Variants in CFAP92 observed in about 807,000 individuals in gnomAD.
CFAP92 encodes the protein uncharacterized protein CFAP92.
Under a neutral mutation model 106.3 loss-of-function variants are expected in CFAP92, and 86 were observed. The observed-to-expected ratio is 0.81, with a 90% CI of 0.68 to 0.97. The LOEUF is 0.97. Among genes scored for constraint, CFAP92 ranks in the 50% least tolerant of loss-of-function variants. The probability of loss-of-function intolerance (pLI) is 0.00; values close to 1 mark genes in which losing one functional copy is unlikely to be tolerated. For synonymous variants in CFAP92, 477 were observed against 506.4 expected, an observed-to-expected ratio of 0.94 and a Z score of 0.78; for missense variants, 1,204 against 1,283.8, an observed-to-expected ratio of 0.94 and a Z score of 0.95.
chr3:128,922,437 A>G (rs147562501), intron 12 of CFAP92, among the ~76,000 whole-genome samples: 4,067 of 152,302 alleles, frequency 0.027, 171 homozygotes, highest in African/African-American at 0.091. Flanking sequence ...GTTACCTTAC[A>G]CAAAACTAGG....
chr3:128,996,859 G>A (rs891583055), upstream of CFAP92, among the ~76,000 whole-genome samples: 31 of 152,104 alleles, frequency 2.0e-4, no homozygotes, highest in African/African-American at 6.3e-4. Context: ...GGGTTCCCCC[G>A]CCCCCAGTGG....
chr3:128,971,616 C>T (rs925983187), intron 7 of CFAP92, among the ~76,000 whole-genome samples, 183 bp from the exon 8 acceptor site: 1 of 152,152 alleles, frequency 6.6e-6, no homozygotes, highest in African/African-American at 2.4e-5. Context: ...AGATGGCAGG[C>T]CCGTTGCCAG....
chr3:128,930,102 TA>T (rs1449882925), intron 12 of CFAP92, among the ~76,000 whole-genome samples: 4 of 152,140 alleles, frequency 2.6e-5, no homozygotes, highest in Admixed American at 6.6e-5. Context: ...TTGTAAGAGA[TA>T]GGGGGCTAGT....
the CFAP92 span, among the ~76,000 whole-genome samples, chr3:129,019,342 G>A: frequency 1.2e-3 from 177 of 152,320 alleles, 3 homozygotes; most frequent in South Asian, 0.034. Context: ...TCCTGGGTAG[G>A]TTTAGGTTTA....
chr3:128,933,026 A>G (rs892169389), intron 11 of CFAP92, 29 bp from the exon 12 acceptor site: 115 of 1,531,050 alleles, frequency 7.5e-5, no homozygotes, highest in Non-Finnish European at 9.5e-5. Flanking sequence ...GCCCCACTGA[A>G]CCTCTCCTAC....
In CFAP92 at chr3:128,956,994, A is replaced by AAAAAAAAAAAAAAAAAAAG. The variant is rs377096690; in HGVS notation, c.1353+8516_1353+8517insCTTTTTTTTTTTTTTTTTT. Among the ~76,000 whole-genome samples, 2 of 129,060 alleles carry AAAAAAAAAAAAAAAAAAAG rather than the reference A, an allele frequency of 1.5e-5. 1 individual carries two copies. The highest frequency in any genetic ancestry group is 3.3e-5 in the Non-Finnish European group (2 of 61,242). The allele number at this position is 129,060 out of a possible 152,430, so 84.7% of individuals were successfully genotyped here. On this transcript the variant is annotated intron_variant, in intron 9 of 15. Coordinates refer to ENST00000645291, the MANE Select transcript of CFAP92 (RefSeq NM_001394090.1). ...GACTCTCTCAAAAAAAAAAAAAAAA[A>AAAAAAAAAAAAAAAAAAAG]AAAGAAATCAACCCCATTCTATACC...
chr3:128,929,332 A>G (rs1298096490), intron 12 of CFAP92, among the ~76,000 whole-genome samples: 1 of 152,202 alleles, frequency 6.6e-6, no homozygotes, highest in Non-Finnish European at 1.5e-5. Context: ...AGATTGTGCA[A>G]CTACACTGTA....
upstream of CFAP92, among the ~76,000 whole-genome samples, chr3:129,006,413 T>C (rs893636904): frequency 6.6e-6 from 1 of 152,184 alleles, no homozygotes; most frequent in African/African-American, 2.4e-5. Flanking sequence ...GCCTCCCAGG[T>C]TCAAAAGATT....
upstream of CFAP92, among the ~76,000 whole-genome samples, chr3:129,005,300 C>T (rs1945022437): frequency 6.6e-6 from 1 of 152,160 alleles, no homozygotes; most frequent in East Asian, 1.9e-4. Flanking sequence ...GTTACCGGGC[C>T]AGATGGAGAG....
upstream of CFAP92, among the ~76,000 whole-genome samples, chr3:129,006,647 A>G (rs984276908): frequency 6.6e-6 from 1 of 152,198 alleles, no homozygotes; most frequent in South Asian, 2.1e-4. Flanking sequence ...AGGAAGAAGT[A>G]GGAGCAGCTA....
At chr3:129,013,211 A>G in the CFAP92 span, among the ~76,000 whole-genome samples, 1 of 152,270 alleles carries the variant, frequency 6.6e-6, no homozygotes, top group East Asian at 1.9e-4. Flanking sequence ...TTGACGGTAC[A>G]GCCTTGGATA....
chr3:128,922,309 C>T (rs915794452), intron 12 of CFAP92, among the ~76,000 whole-genome samples: 30 of 151,618 alleles, frequency 2.0e-4, no homozygotes, highest in African/African-American at 7.0e-4. Flanking sequence ...TGCCACTGCA[C>T]TCCAGCCTGG....
chr3:129,020,628 C>T, the CFAP92 span, among the ~76,000 whole-genome samples: 2 of 152,214 alleles, frequency 1.3e-5, no homozygotes, highest in African/African-American at 4.8e-5. Context: ...CAGAGTAACA[C>T]CCTGTCTCAA....
intron 15 of CFAP92, chr3:128,913,144 T>C (rs1034354712): frequency 2.3e-6 from 1 of 429,388 alleles, no homozygotes; most frequent in East Asian, 7.1e-5. Flanking sequence ...CACTGTTCCT[T>C]AGAACCAGCC....
At chr3:128,971,641 AG>A (rs1942804303) in intron 7 of CFAP92, among the ~76,000 whole-genome samples, 1 of 152,200 alleles carries the variant, frequency 6.6e-6, no homozygotes, top group African/African-American at 2.4e-5. Flanking sequence ...ATGTAGTAAT[AG>A]GGTGAGGGCC....
At chr3:129,013,529 G>T in the CFAP92 span, among the ~76,000 whole-genome samples, 4 of 152,130 alleles carry the variant, frequency 2.6e-5, no homozygotes, top group African/African-American at 9.7e-5. Flanking sequence ...TTCCCATAAG[G>T]TAGCAAGACA....
At chr3:128,953,170 A>G (rs1344750799) in intron 9 of CFAP92, among the ~76,000 whole-genome samples, 1 of 152,164 alleles carries the variant, frequency 6.6e-6, no homozygotes, top group African/African-American at 2.4e-5. Context: ...GCAGAATGGA[A>G]TGTACAGAGG....
the CFAP92 span, among the ~76,000 whole-genome samples, chr3:129,013,555 A>G: frequency 5.8e-4 from 89 of 152,300 alleles, no homozygotes; most frequent in East Asian, 0.015. Flanking sequence ...CATCATCATC[A>G]GGATTAGCTC....
At chr3:128,956,207 TAAAAAAATAAAAAA>T (rs1211084609) in intron 9 of CFAP92, among the ~76,000 whole-genome samples, 2 of 53,196 alleles carry the variant, frequency 3.8e-5, no homozygotes, top group Non-Finnish European at 6.6e-5. Context: ...AAAAAAAAAA[TAAAAAAATAAAAAA>T]AAAAAAAGAA....
Sources: allele counts gnomAD v4.1 joint callset (sites outside exome capture counted in the v4.1 genomes callset), GRCh38; gene constraint gnomAD v4.1.1; transcripts MANE v1.5; gene names NCBI Gene and HGNC (gene_info 2026-07-23, HGNC 2026-07-21).